The following BIRC2 variants were observed in gnomAD, a reference collection of about 807,000 sequenced individuals.
The protein encoded by BIRC2 is baculoviral IAP repeat-containing protein 2.
A neutral mutation model predicts 60.9 loss-of-function variants in BIRC2; 18 were observed. That is an observed-to-expected ratio of 0.30 (90% CI 0.20 to 0.44). BIRC2 has a LOEUF of 0.44. BIRC2 is among the 20% of genes least tolerant of loss of function. BIRC2 has a pLI of 1.00. For missense variants in BIRC2, 701 were observed against 728.5 expected (o/e 0.96, Z 0.43); for synonymous variants, 282 against 247.7 (o/e 1.14, Z -1.30).
intron 3 of BIRC2, among the ~76,000 whole-genome samples, chr11:102,360,775 G>GT (rs1555047753): frequency 4.4e-5 from 6 of 135,818 alleles, no homozygotes; most frequent in Admixed American, 1.5e-4. Flanking sequence ...AGATTAGTGT[G>GT]TTTTTTTTGT....
At chr11:102,358,891 A>T (rs962402158) in intron 3 of BIRC2, among the ~76,000 whole-genome samples, 1 of 152,148 alleles carries the variant, frequency 6.6e-6, no homozygotes, top group Non-Finnish European at 1.5e-5. Flanking sequence ...CCTGTAGCTG[A>T]ATCTTGTTTT....
intron 5 of BIRC2, among the ~76,000 whole-genome samples, chr11:102,367,362 T>G (rs1439722148): frequency 6.6e-6 from 1 of 152,134 alleles, no homozygotes; most frequent in African/African-American, 2.4e-5. Context: ...AATGTGTCTC[T>G]TATCTTGAAC....
At chr11:102,367,789 A>C (rs912983016) in intron 5 of BIRC2, among the ~76,000 whole-genome samples, 1 of 152,024 alleles carries the variant, frequency 6.6e-6, no homozygotes, top group Non-Finnish European at 1.5e-5. Flanking sequence ...CTGATCTTCT[A>C]TTTTACTATA....
intron 6 of BIRC2, among the ~76,000 whole-genome samples, chr11:102,371,333 T>C (rs1180074533): frequency 1.6e-5 from 2 of 126,604 alleles, no homozygotes; most frequent in African/African-American, 6.1e-5. Flanking sequence ...TATTTTGAAA[T>C]AGGTCCCATC....
rs1951339842 is a variant in BIRC2 at position 102,350,177 on chromosome 11, C to T, written c.323C>T (p.Pro108Leu). 1.2e-6 allele frequency: 2 copies of T among 1,614,042 alleles called. No individual in the cohort carries two copies. The highest frequency in any genetic ancestry group is 1.7e-6 in the Non-Finnish European group (2 of 1,179,972). ...ATTCAAAAGCATAAACAGCTATATC[C>T]TAGCTGTAGCTTTATTCAGAATCTG... ...SPIQKHKQLY[P>L]SCSFIQNLVS... The change falls in exon 2 of 9, where the codon CCT becomes CTT. Residue 108 changes from proline (P) to leucine (L), a missense_variant. Physicochemically the swap from Pro to Leu is moderately conservative, Grantham distance 98. Around this residue, in one of 4 missense-constraint regions of BIRC2, gnomAD observed 375 missense variants for 365.9 expected, o/e 1.02. Transcript: ENST00000227758.
At position 102,363,567 on chromosome 11, in the gene BIRC2, G is replaced by A. The variant is rs186750749; in HGVS notation, c.1075-101G>A. On this transcript the variant is annotated intron_variant, in intron 4 of 8. Transcript: ENST00000227758. The stretch of plus-strand genomic sequence containing the variant: ...GTCATAAATCACTCAGTTCTCAAAA[G>A]AACATATACATTTACTTAAAGTAAG... The A allele has an allele frequency of 3.0e-4, 253 of 831,404 alleles. No individual in the cohort carries two copies. In the African/African-American group the frequency reaches 3.9e-3, roughly 13 times the overall value. 51.5% of individuals were successfully genotyped at this position (831,404 alleles called of 1,614,324 possible).
In BIRC2 at chr11:102,350,423, C is replaced by G; in HGVS notation, c.569C>G (p.Thr190Ser). The G allele has an allele frequency of 6.2e-7, 1 of 1,614,220 alleles. No individual in the cohort carries two copies. Among genetic ancestry groups the G allele is most frequent in the Middle Eastern group, 1.6e-4 (1 of 6,062 alleles). ...AGTACTGAAGAAGCCAGATTTCTTA[C>G]CTACCATATGTGGCCATTAACTTTT... ...AMSTEEARFL[T>S]YHMWPLTFLS... is the part of the protein sequence containing the mutation. Residue 190 changes from threonine (T) to serine (S), a missense_variant, in exon 2 of 9, where the codon ACC (threonine) becomes AGC (serine). Physicochemically the swap from Thr to Ser is moderately conservative, Grantham distance 58. Transcript: ENST00000227758.
intron 5 of BIRC2, among the ~76,000 whole-genome samples, chr11:102,364,172 T>TATATATATATATATATATATATATATAC (rs1351743517): frequency 1.1e-5 from 1 of 89,724 alleles, no homozygotes; most frequent in South Asian, 3.3e-4. Context: ...TATATATATA[T>TATATATATATATATATATATATATATAC]ATACACACAC....
Position 102,363,733 on chromosome 11 carries a change from T to C in BIRC2, c.1123+17T>C. 3 of 1,598,902 alleles carry C rather than the reference T, an allele frequency of 1.9e-6. No individual in the cohort carries two copies. The highest frequency in any genetic ancestry group is 2.6e-6 in the Non-Finnish European group (3 of 1,167,556). On this transcript the variant is annotated intron_variant, in intron 5 of 8. Coordinates refer to ENST00000227758, the MANE Select transcript of BIRC2 (RefSeq NM_001166.5). The stretch of plus-strand genomic sequence containing the variant: ...ACCCACCAAGTATGTATGAGATAAT[T>C]TTAAGTATAGAGTGTAAATTTTTAT...
At chr11:102,357,911 A>G (rs1360189252) in intron 3 of BIRC2, among the ~76,000 whole-genome samples, 1 of 152,100 alleles carries the variant, frequency 6.6e-6, no homozygotes, top group Non-Finnish European at 1.5e-5. Flanking sequence ...CATTTGTTCT[A>G]TACATTTTGC....
chr11:102,359,921 G>A lies in BIRC2; in HGVS notation c.996-2975G>A, dbSNP rs142706846. Among the ~76,000 whole-genome samples, 426 of 149,200 alleles carry A rather than the reference G, an allele frequency of 2.9e-3. 1 individual carries two copies. Among genetic ancestry groups the A allele is most frequent in the Middle Eastern group, 0.014 (4 of 288 alleles). ...CATTTTTTTTTTAAATCAGCTTTCTGTCCTTTCTCTCTTTTCCTTCTTGAA... is the reference window on the plus strand; with the variant it reads ...CATTTTTTTTTTAAATCAGCTTTCTATCCTTTCTCTCTTTTCCTTCTTGAA... On this transcript the variant is annotated intron_variant, in intron 3 of 8. Transcript: ENST00000227758.
chr11:102,350,804 A>T lies in BIRC2; in HGVS notation c.896-40A>T, dbSNP rs202008324. 4.4e-4 allele frequency: 709 copies of T among 1,610,268 alleles called. 7 individuals are homozygous for T. In the South Asian group the frequency reaches 5.2e-3, roughly 12 times the overall value. The stretch of plus-strand genomic sequence containing the variant: ...ATTTTATTTTAATTTACATATTAGA[A>T]CATACGTGTTTTCAATATTTAGTCT... On this transcript the variant is annotated intron_variant, in intron 2 of 8. Transcript: ENST00000227758.
chr11:102,353,084 T>A (rs971117257), intron 3 of BIRC2, among the ~76,000 whole-genome samples: 1 of 152,226 alleles, frequency 6.6e-6, no homozygotes, highest in African/African-American at 2.4e-5. Flanking sequence ...GACTTTTAAA[T>A]GACTTAATTA....
Position 102,349,970 on chromosome 11 carries a change from T to G in BIRC2, c.116T>G (p.Met39Arg). 6.2e-7 allele frequency: 1 copy of G among 1,614,174 alleles called. No individual in the cohort carries two copies. The highest frequency in any genetic ancestry group is 8.5e-7 in the Non-Finnish European group (1 of 1,180,020). The change falls in exon 2 of 9, where the codon ATG (methionine) becomes AGG (arginine). Residue 39 changes from methionine (M) to arginine (R), a missense_variant. By Grantham distance (91) the Met-to-Arg change is moderately conservative. Transcript: ENST00000227758. ...TGGACAAACAGCAACAAACAAAAAA[T>G]GAAGTATGACTTTTCCTGTGAACTC... ...SDWTNSNKQK[M>R]KYDFSCELYR...
At position 102,378,367 on chromosome 11, in the gene BIRC2, GTT is replaced by G; in HGVS notation, c.*186_*187del. 2 of 503,238 alleles carry G rather than the reference GTT, an allele frequency of 4.0e-6. No individual in the cohort carries two copies. Among genetic ancestry groups the G allele is most frequent in the Non-Finnish European group, 6.7e-6 (2 of 297,480 alleles). 31.2% of individuals were successfully genotyped at this position (503,238 alleles called of 1,614,324 possible). A position where few individuals can be genotyped will look rare whatever the true frequency, so the allele number is the denominator to read the frequency against. ...GGTATCATATATTTAATCTTAATCT[GTT>G]TATTTACAAGGGAAGATTTATGTTT... On this transcript the variant is annotated 3_prime_UTR_variant, in exon 9 of 9. Transcript: ENST00000227758.
chr11:102,357,805 C>CT (rs774037108), intron 3 of BIRC2, among the ~76,000 whole-genome samples: 1 of 151,960 alleles, frequency 6.6e-6, no homozygotes, highest in Non-Finnish European at 1.5e-5. Context: ...CTTCTGCTAA[C>CT]TTTTTCTAGT....
Position 102,375,052 on chromosome 11 carries a change from C to T in BIRC2, c.1367-2444C>T, listed in dbSNP as rs1020051739. On this transcript the variant is annotated intron_variant, in intron 6 of 8. Transcript: ENST00000227758. ...GCACACGGTGCGCGCACCCACTGGC[C>T]TGCGCCCACTGTCTGGCACTCCCTA... 2.0e-5 allele frequency among the ~76,000 whole-genome samples: 3 copies of T among 152,238 alleles called. No individual in the cohort carries two copies. In the East Asian group the frequency reaches 5.8e-4, roughly 29 times the overall value.
chr11:102,367,789 A>G (rs912983016), intron 5 of BIRC2, among the ~76,000 whole-genome samples: 5 of 152,024 alleles, frequency 3.3e-5, no homozygotes, highest in Admixed American at 2.0e-4. Context: ...CTGATCTTCT[A>G]TTTTACTATA....
chr11:102,359,471 TA>T (rs751938082), intron 3 of BIRC2, among the ~76,000 whole-genome samples: 1 of 152,240 alleles, frequency 6.6e-6, no homozygotes, highest in Non-Finnish European at 1.5e-5. Context: ...TGTTGCTAAT[TA>T]GTGTCCTTTC....
Sources: allele counts gnomAD v4.1 joint callset (sites outside exome capture counted in the v4.1 genomes callset), GRCh38; gene constraint gnomAD v4.1.1; regional missense constraint gnomAD v4.1.1; transcripts MANE v1.5; gene names NCBI Gene and HGNC (gene_info 2026-07-23, HGNC 2026-07-21).